B3GAT2: variants seen among roughly 807,000 people sequenced by gnomAD.
B3GAT2 encodes beta-1,3-glucuronyltransferase 2.
A neutral mutation model predicts 27.8 loss-of-function variants in B3GAT2; 26 were observed. The observed-to-expected ratio is 0.93, with a 90% CI of 0.68 to 1.30. The LOEUF is 1.30. Ranked by LOEUF, B3GAT2 falls within the 50% of genes most tolerant of loss-of-function variation. B3GAT2 has a pLI of 0.00. For synonymous variants in B3GAT2, 218 were observed against 195.1 expected, an observed-to-expected ratio of 1.12 and a Z score of -0.98; for missense variants, 458 against 459.0, an observed-to-expected ratio of 1.00 and a Z score of 0.02.
Position 70,858,217 on chromosome 6 carries a change from G to C in B3GAT2, c.*3446C>G, listed in dbSNP as rs763794897. On this transcript the variant is annotated 3_prime_UTR_variant, in exon 4 of 4. Transcript: ENST00000230053. ...TGCCGCAAGCTCAGCAGCCCCAGTGGAGCCTCTCACAGGTAGGGGTCATTT... is the reference window on the plus strand; with the variant it reads ...TGCCGCAAGCTCAGCAGCCCCAGTGCAGCCTCTCACAGGTAGGGGTCATTT... The C allele has an allele frequency of 6.2e-7, 1 of 1,612,806 alleles. No homozygotes were observed. Among genetic ancestry groups the C allele is most frequent in the Non-Finnish European group, 8.5e-7 (1 of 1,179,688 alleles).
At chr6:70,937,219 G>A (rs1425393548) in intron 1 of B3GAT2, among the ~76,000 whole-genome samples, 1 of 151,940 alleles carries the variant, frequency 6.6e-6, no homozygotes, top group African/African-American at 2.4e-5. Context: ...TTGAATCTCT[G>A]AATAGACCAA....
intron 2 of B3GAT2, among the ~76,000 whole-genome samples, chr6:70,862,650 T>G (rs1562212046): frequency 6.6e-6 from 1 of 152,122 alleles, no homozygotes; most frequent in Non-Finnish European, 1.5e-5. Flanking sequence ...TAAGTGTAAA[T>G]TTTCTTCAAT....
At chr6:70,909,152 T>A (rs1632312) in intron 1 of B3GAT2, among the ~76,000 whole-genome samples, 42,199 of 151,414 alleles carry the variant, frequency 0.28, 6,139 homozygotes, top group African/African-American at 0.35. Context: ...TCTCTCTCTC[T>A]CACACACACA....
At chr6:70,873,826 G>A (rs1771974254) in intron 2 of B3GAT2, among the ~76,000 whole-genome samples, 1 of 151,876 alleles carries the variant, frequency 6.6e-6, no homozygotes, top group Non-Finnish European at 1.5e-5. Context: ...ACTGCTTTGA[G>A]CCCCTCTATT....
chr6:70,902,375 C>T (rs988799654), intron 1 of B3GAT2, among the ~76,000 whole-genome samples: 1 of 151,716 alleles, frequency 6.6e-6, no homozygotes, highest in African/African-American at 2.4e-5. Flanking sequence ...GACCCTTGTA[C>T]ATGGTTGGTA....
chr6:70,864,061 CT>C (rs35544177), intron 2 of B3GAT2, among the ~76,000 whole-genome samples: 8,408 of 129,748 alleles, frequency 0.065, 678 homozygotes, highest in African/African-American at 0.19. Flanking sequence ...AAGCTTTATC[CT>C]TTTTTTTTTT....
intron 1 of B3GAT2, among the ~76,000 whole-genome samples, chr6:70,910,152 C>A (rs1252083906): frequency 6.6e-6 from 1 of 152,140 alleles, no homozygotes; most frequent in Non-Finnish European, 1.5e-5. Context: ...GGATTACAGG[C>A]GTGAGCCACT....
intron 1 of B3GAT2, among the ~76,000 whole-genome samples, chr6:70,905,829 A>C (rs1772591969): frequency 6.6e-6 from 1 of 152,298 alleles, no homozygotes; most frequent in South Asian, 2.1e-4. Flanking sequence ...CTGACTTGAA[A>C]GCATAATAAT....
Position 70,861,276 on chromosome 6 carries a change from A to C in B3GAT2, c.*387T>G, listed in dbSNP as rs1771714217. The C allele has an allele frequency of 5.4e-6, 1 of 183,652 alleles. No individual in the cohort carries two copies. The highest frequency in any genetic ancestry group is 1.2e-5 in the Non-Finnish European group (1 of 86,352). 11.4% of individuals were successfully genotyped at this position (183,652 alleles called of 1,614,324 possible). ...ATCATCAGGAACGTTTAGCTGACAA[A>C]ATACTTGTCTGTTTTAAAAACCTGT... is the stretch of plus-strand genomic sequence containing the variant. On this transcript the variant is annotated 3_prime_UTR_variant, in exon 4 of 4. Transcript: ENST00000230053.
intron 1 of B3GAT2, among the ~76,000 whole-genome samples, chr6:70,908,208 G>A (rs1772631541): frequency 6.6e-6 from 1 of 152,188 alleles, no homozygotes; most frequent in South Asian, 2.1e-4. Context: ...ATGGAAGAGA[G>A]TCAGGGGCAC....
chr6:70,865,365 C>T (rs1771832734), intron 2 of B3GAT2, among the ~76,000 whole-genome samples: 1 of 152,092 alleles, frequency 6.6e-6, no homozygotes, highest in Non-Finnish European at 1.5e-5. Flanking sequence ...TTATCTGCCC[C>T]CCTCGGCCTC....
intron 1 of B3GAT2, among the ~76,000 whole-genome samples, chr6:70,902,633 T>TATAC (rs1772521916): frequency 6.9e-6 from 1 of 144,138 alleles, no homozygotes; most frequent in African/African-American, 2.7e-5. Flanking sequence ...TATATATATA[T>TATAC]ATATACACAC....
chr6:70,937,005 A>AG (rs1298101718), intron 1 of B3GAT2, among the ~76,000 whole-genome samples: 3 of 152,086 alleles, frequency 2.0e-5, no homozygotes, highest in Non-Finnish European at 4.4e-5. Flanking sequence ...ATAGACCACT[A>AG]GCAAGACTAA....
intron 2 of B3GAT2, among the ~76,000 whole-genome samples, chr6:70,865,563 C>T (rs1010165446): frequency 2.6e-5 from 4 of 152,082 alleles, no homozygotes; most frequent in African/African-American, 9.7e-5. Flanking sequence ...GGGACTTGAG[C>T]GTCCATGGAT....
intron 1 of B3GAT2, among the ~76,000 whole-genome samples, chr6:70,899,756 G>C (rs568744412): frequency 3.3e-5 from 5 of 152,160 alleles, no homozygotes; most frequent in African/African-American, 9.6e-5. Flanking sequence ...TTTCACTCCT[G>C]GGATCTGTCC....
intron 1 of B3GAT2, among the ~76,000 whole-genome samples, chr6:70,954,922 G>T (rs924276118): frequency 1.3e-5 from 2 of 151,444 alleles, no homozygotes; most frequent in East Asian, 3.9e-4. Context: ...CGGCGGGGGG[G>T]GGCGGTGCGC....
intron 2 of B3GAT2, among the ~76,000 whole-genome samples, chr6:70,867,398 GAAAA>G (rs1020198281): frequency 2.4e-4 from 36 of 151,582 alleles, no homozygotes; most frequent in African/African-American, 7.3e-4. Context: ...AGTCATTTAG[GAAAA>G]AAAAGTTAAT....
chr6:70,945,234 A>AGT (rs1765460212), intron 1 of B3GAT2, among the ~76,000 whole-genome samples: 1 of 152,208 alleles, frequency 6.6e-6, no homozygotes, highest in African/African-American at 2.4e-5. Context: ...AATGACTTTG[A>AGT]CGAGTTGAGA....
At chr6:70,895,713 T>A (rs1266052594) in intron 1 of B3GAT2, among the ~76,000 whole-genome samples, 1 of 152,118 alleles carries the variant, frequency 6.6e-6, no homozygotes, top group Non-Finnish European at 1.5e-5. Context: ...TTCCAGGTAA[T>A]GAGGTTCTCA....
Sources: allele counts gnomAD v4.1 joint callset (sites outside exome capture counted in the v4.1 genomes callset), GRCh38; gene constraint gnomAD v4.1.1; transcripts MANE v1.5; gene names NCBI Gene and HGNC (gene_info 2026-07-23, HGNC 2026-07-21).